NR4A1: variants seen among roughly 807,000 people sequenced by gnomAD.
NR4A1 encodes the protein nuclear receptor subfamily 4 group A member 1.
Under a neutral mutation model 47.5 loss-of-function variants are expected in NR4A1, and 24 were observed. The observed-to-expected ratio is 0.50, with a 90% CI of 0.37 to 0.71. NR4A1 has a LOEUF of 0.71. Ranked by LOEUF, NR4A1 falls within the 30% of genes least tolerant of loss-of-function variation. The pLI, the probability that NR4A1 is intolerant of heterozygous loss-of-function variation, is 0.00. For synonymous variants in NR4A1, 353 were observed against 345.7 expected (o/e 1.02, Z -0.24); for missense variants, 669 against 788.6 (o/e 0.85, Z 1.82).
At chr12:52,028,075 G>C (rs1489958086) in intron 1 of NR4A1, among the ~76,000 whole-genome samples, 1 of 151,602 alleles carries the variant, frequency 6.6e-6, no homozygotes, top group Admixed American at 6.6e-5. Flanking sequence ...GGTGGCATGT[G>C]CCTTTAGTCC....
chr12:52,054,190 G>T (rs924081870), intron 1 of NR4A1, 137 bp from the exon 2 acceptor site: 6 of 721,132 alleles, frequency 8.3e-6, no homozygotes, highest in Admixed American at 2.9e-5. Context: ...GGGTGCTCTG[G>T]TCCCGGTGCC....
In NR4A1 at chr12:52,054,802, CG is replaced by C; in HGVS notation, c.476del (p.Gly159AlafsTer49). On this transcript the variant is annotated frameshift_variant, in exon 2 of 7. Coordinates refer to ENST00000394825, the MANE Select transcript of NR4A1 (RefSeq NM_173157.3). LOFTEE classifies it high-confidence loss of function. The part of the protein sequence containing the change: ...PQLSPWDGSF[G>X]HFSPSQTYEG... ...AGCTCTCTCCCTGGGATGGCTCCTT[CG>C]GCCACTTCTCGCCCAGCCAGACTTA... 1 of 1,613,258 alleles carries C rather than the reference CG, an allele frequency of 6.2e-7. No individual in the cohort carries two copies. Among genetic ancestry groups the C allele is most frequent in the Non-Finnish European group, 8.5e-7 (1 of 1,179,948 alleles).
At chr12:52,051,023 G>GCGGCCGCGTCTC (rs1199004320), upstream of NR4A1, among the ~76,000 whole-genome samples, 1 of 152,196 alleles carries the variant, frequency 6.6e-6, no homozygotes, top group Non-Finnish European at 1.5e-5. Context: ...GGGAAGCCCC[G>GCGGCCGCGTCTC]CGGCCGCGTC....
upstream of NR4A1, among the ~76,000 whole-genome samples, chr12:52,050,659 CG>C (rs528719737): frequency 2.7e-3 from 413 of 152,306 alleles, 2 homozygotes; most frequent in African/African-American, 9.4e-3. Flanking sequence ...GCCTGGCCAA[CG>C]CCTGCCCTCG....
Position 52,052,401 on chromosome 12 carries a change from C to T in NR4A1, c.-3+833C>T, listed in dbSNP as rs1170151080. 1.0e-5 allele frequency: 8 copies of T among 790,176 alleles called. No individual in the cohort carries two copies. The South Asian group carries it at 3.5e-4, about 34-fold the overall frequency. The allele number at this position is 790,176 out of a possible 1,614,324, so 48.9% of individuals were successfully genotyped here. A position where few individuals can be genotyped will look rare whatever the true frequency, so the allele number is the denominator to read the frequency against. ...AGTTGCCAGTGTTGGAGTCTTGGGGCGGTGCTGCCTAGAGGATACCTCCCA... is the reference window on the plus strand; with the variant it reads ...AGTTGCCAGTGTTGGAGTCTTGGGGTGGTGCTGCCTAGAGGATACCTCCCA... On this transcript the variant is annotated intron_variant, in intron 1 of 6. Coordinates refer to ENST00000394825, the MANE Select transcript of NR4A1 (RefSeq NM_173157.3).
At chr12:52,028,506 G>A (rs1052544032) in intron 1 of NR4A1, among the ~76,000 whole-genome samples, 6 of 151,948 alleles carry the variant, frequency 3.9e-5, no homozygotes, top group African/African-American at 1.2e-4. Context: ...CCCAGGAGGC[G>A]GAGGTTGCAG....
At chr12:52,052,296 TGTGTGTGTGA>T (rs947214417) in intron 1 of NR4A1, among the ~76,000 whole-genome samples, 1 of 138,906 alleles carries the variant, frequency 7.2e-6, no homozygotes, top group African/African-American at 2.9e-5. Flanking sequence ...TGTGTGTGTG[TGTGTGTGTGA>T]GAGAGAGAGA....
At chr12:52,037,060 G>A (rs1217945556) in intron 1 of NR4A1, 1 of 151,734 alleles carries the variant, frequency 6.6e-6, no homozygotes, top group Non-Finnish European at 1.5e-5. Flanking sequence ...CCCCATTGAT[G>A]AGGCTGCGTC....
intron 1 of NR4A1, among the ~76,000 whole-genome samples, chr12:52,034,391 C>T (rs1185023926): frequency 1.3e-5 from 2 of 152,182 alleles, no homozygotes; most frequent in African/African-American, 4.8e-5. Flanking sequence ...AGGAGCTTGT[C>T]CTCTAGGAAC....
intron 1 of NR4A1, among the ~76,000 whole-genome samples, chr12:52,033,328 G>A (rs1182983522): frequency 6.6e-6 from 1 of 152,242 alleles, no homozygotes; most frequent in Non-Finnish European, 1.5e-5. Flanking sequence ...CGTCGTCGGA[G>A]GATGACCAAA....
At chr12:52,040,081 G>A (rs1435287267) in intron 1 of NR4A1, among the ~76,000 whole-genome samples, 1 of 152,188 alleles carries the variant, frequency 6.6e-6, no homozygotes, top group Non-Finnish European at 1.5e-5. Flanking sequence ...AGTGCAGACT[G>A]TACTTGACCT....
chr12:52,025,063 CTTTT>C (rs532559170), intron 1 of NR4A1, among the ~76,000 whole-genome samples: 2 of 132,160 alleles, frequency 1.5e-5, no homozygotes, highest in African/African-American at 2.8e-5. Flanking sequence ...CTCACTGCTG[CTTTT>C]TTTTTTTTTT....
chr12:52,056,509 G>T lies in NR4A1; in HGVS notation c.1022G>T (p.Ser341Ile). 6.2e-7 allele frequency: 1 copy of T among 1,613,238 alleles called. No individual in the cohort carries two copies. Among genetic ancestry groups the T allele is most frequent in the Non-Finnish European group, 8.5e-7 (1 of 1,179,726 alleles). Residue 341 changes from serine to isoleucine, a missense_variant, in exon 4 of 7, where the codon AGC becomes ATC. Physicochemically the swap from Ser to Ile is moderately radical, Grantham distance 142. Transcript: ENST00000394825. ...GMVKEVVRTD[S>I]LKGRRGRLPS... ...TCCTTTGCAGTTGTCCGAACAGACA[G>T]CCTGAAGGGGCGGCGGGGCCGGCTA...
rs1555168679 is a variant in NR4A1 at position 52,052,305 on chromosome 12, G to GAA, written c.-3+738_-3+739insAA. On this transcript the variant is annotated intron_variant, in intron 1 of 6. Coordinates refer to ENST00000394825, the MANE Select transcript of NR4A1 (RefSeq NM_173157.3). ...TGTGTGTGTGTGTGTGTGTGTGTGT[G>GAA]AGAGAGAGAGAGAGAGAGAGAGAAA... is the stretch of plus-strand genomic sequence containing the variant. Among the ~76,000 whole-genome samples, 229 of 111,630 alleles carry GAA rather than the reference G, an allele frequency of 2.1e-3. 1 individual carries two copies. The South Asian group carries it at 0.029, about 14-fold the overall frequency. 73.2% of individuals were successfully genotyped at this position (111,630 alleles called of 152,430 possible).
chr12:52,035,719 G>A (rs1290118595), intron 1 of NR4A1, among the ~76,000 whole-genome samples: 1 of 152,198 alleles, frequency 6.6e-6, no homozygotes, highest in Non-Finnish European at 1.5e-5. Context: ...AAACTCTGCA[G>A]AGGTTCTTGG....
At position 52,055,318 on chromosome 12, in the gene NR4A1, C is replaced by T. The variant is rs774280581; in HGVS notation, c.876+114C>T. On this transcript the variant is annotated intron_variant, in intron 2 of 6. Coordinates refer to ENST00000394825, the MANE Select transcript of NR4A1 (RefSeq NM_173157.3). ...CTCCTCCTAGCTAAGTCCTGTCCTG[C>T]AGGGTGGGATCAGCCCTGCCAGGTG... The T allele has an allele frequency of 2.2e-5, 31 of 1,417,814 alleles. No individual in the cohort carries two copies. The African/African-American group carries it at 3.8e-4, about 17-fold the overall frequency. The allele number at this position is 1,417,814 out of a possible 1,614,324, so 87.8% of individuals were successfully genotyped here.
intron 2 of NR4A1, among the ~76,000 whole-genome samples, chr12:52,045,188 G>A (rs1274348673): frequency 6.6e-6 from 1 of 152,202 alleles, no homozygotes; most frequent in African/African-American, 2.4e-5. Context: ...GTAGAGATGG[G>A]GTTACTGTTT....
chr12:52,035,950 C>T (rs563018945), intron 1 of NR4A1, among the ~76,000 whole-genome samples: 1 of 152,120 alleles, frequency 6.6e-6, no homozygotes, highest in Non-Finnish European at 1.5e-5. Context: ...GATTGTATAG[C>T]ATGCTCATAA....
upstream of NR4A1, among the ~76,000 whole-genome samples, chr12:52,049,455 G>T (rs936466273): frequency 6.6e-6 from 1 of 152,210 alleles, no homozygotes. Context: ...GGCGCAGGCA[G>T]TTGGTCTGTG....
Sources: allele counts gnomAD v4.1 joint callset (sites outside exome capture counted in the v4.1 genomes callset), GRCh38; gene constraint gnomAD v4.1.1; transcripts MANE v1.5; gene names NCBI Gene and HGNC (gene_info 2026-07-23, HGNC 2026-07-21).